CDX1: variants seen among roughly 807,000 people sequenced by gnomAD.
CDX1 encodes the protein homeobox protein CDX-1.
Under a neutral mutation model 16.9 loss-of-function variants are expected in CDX1, and 9 were observed. The observed-to-expected ratio is 0.53, with a 90% CI of 0.32 to 0.93. The LOEUF (loss-of-function observed/expected upper bound fraction) is 0.93. Among genes scored for constraint, CDX1 ranks in the 40% least tolerant of loss-of-function variants. The probability of loss-of-function intolerance (pLI) is 0.04; values close to 1 mark genes in which losing one functional copy is unlikely to be tolerated. For synonymous variants in CDX1, 179 were observed against 179.0 expected, an observed-to-expected ratio of 1.00 and a Z score of 0.00; for missense variants, 393 against 386.1, an observed-to-expected ratio of 1.02 and a Z score of -0.15.
In CDX1 at chr5:150,166,967, G is replaced by A. The variant is rs757763760; in HGVS notation, c.91G>A (p.Gly31Ser). ...CCTCGGCCTGGGCCCGCAAGCCTACGGCCCCCCGGCCCCGCCCCCGGCGCC... is the reference window on the plus strand; with the variant it reads ...CCTCGGCCTGGGCCCGCAAGCCTACAGCCCCCCGGCCCCGCCCCCGGCGCC... ...ASLGLGPQAY[G>S]PPAPPPAPPQ... Residue 31 changes from glycine to serine, a missense_variant, in exon 1 of 3, where the codon GGC (glycine) becomes AGC (serine). Transcript: ENST00000231656. The A allele has an allele frequency of 1.4e-5, 21 of 1,456,914 alleles. No individual in the cohort carries two copies. Among genetic ancestry groups the A allele is most frequent in the Middle Eastern group, 2.3e-4 (1 of 4,316 alleles). The allele number at this position is 1,456,914 out of a possible 1,614,324, so 90.2% of individuals were successfully genotyped here.
intron 1 of CDX1, among the ~76,000 whole-genome samples, chr5:150,177,856 A>G (rs1273857213): frequency 6.6e-6 from 1 of 152,098 alleles, no homozygotes; most frequent in Non-Finnish European, 1.5e-5. Context: ...GGAACTCCTG[A>G]CTGCCCCGAG....
intron 2 of CDX1, 94 bp downstream of exon 2, chr5:150,183,007 CA>C (rs1387381414): frequency 9.2e-6 from 13 of 1,409,580 alleles, no homozygotes; most frequent in Non-Finnish European, 1.2e-5. Flanking sequence ...AGAAGGAAAA[CA>C]GAGAGGTTGA....
chr5:150,168,936 A>G (rs1761469433), intron 1 of CDX1, among the ~76,000 whole-genome samples: 1 of 152,238 alleles, frequency 6.6e-6, no homozygotes, highest in Non-Finnish European at 1.5e-5. Flanking sequence ...GGCTACCAGA[A>G]GCTTTATCCA....
intron 1 of CDX1, among the ~76,000 whole-genome samples, chr5:150,182,179 C>T (rs1752458113): frequency 6.6e-6 from 1 of 152,244 alleles, no homozygotes; most frequent in African/African-American, 2.4e-5. Flanking sequence ...TCTTCTCTTG[C>T]ACAGGAGGAA....
rs527786034 is a variant in CDX1 at position 150,167,056 on chromosome 5, C to A, written c.180C>A (p.Ala60=). 1.8e-4 allele frequency: 256 copies of A among 1,427,416 alleles called. No homozygotes were observed. In the African/African-American group the frequency reaches 3.5e-3, roughly 20 times the overall value. 88.4% of individuals were successfully genotyped at this position (1,427,416 alleles called of 1,614,324 possible). Residue 60 remains alanine (A), a synonymous_variant, in exon 1 of 3, where the codon GCC becomes GCA. Coordinates refer to ENST00000231656, the MANE Select transcript of CDX1 (RefSeq NM_001804.3). ...HVEPAPAPPT[A]WGAPFPAPKD... is the part of the protein sequence containing the mutation. ...AGCCGGCCCCCGCGCCCCCGACGGC[C>A]TGGGGGGCGCCCTTCCCTGCGCCCA... is the stretch of plus-strand genomic sequence containing the variant.
At chr5:150,183,400 C>T (rs59426053) in intron 2 of CDX1, 74 bp from the exon 3 acceptor site, 22 of 1,337,912 alleles carry the variant, frequency 1.6e-5, no homozygotes, top group East Asian at 1.5e-4. Context: ...TCACTGTCCT[C>T]GTCTCTCCTT....
At position 150,182,838 on chromosome 5, in the gene CDX1, G is replaced by A. The variant is rs1752481273; in HGVS notation, c.516G>A (p.Glu172=). The part of the protein sequence containing the change: ...TDHQRLELEK[E]FHYSRYITIR... ...ACCAACGCCTGGAGCTGGAGAAGGA[G>A]TTTCATTACAGCCGTTACATCACAA... The change falls in exon 2 of 3, where the codon GAG becomes GAA. Residue 172 remains glutamate (E), a synonymous_variant. Coordinates refer to ENST00000231656, the MANE Select transcript of CDX1 (RefSeq NM_001804.3). The A allele has an allele frequency of 6.2e-7, 1 of 1,613,486 alleles. No individual in the cohort carries two copies. Among genetic ancestry groups the A allele is most frequent in the Non-Finnish European group, 8.5e-7 (1 of 1,179,658 alleles).
Position 150,167,293 on chromosome 5 carries a change from C to T in CDX1, c.417C>T (p.Ser139=), listed in dbSNP as rs757529834. The part of the protein sequence containing the change: ...RPTPYEWMRR[S]VAAGGGGGSG... ...CGCCCTACGAGTGGATGCGGCGCAGCGTGGCGGCCGGAGGCGGCGGTGGCA... is the reference window on the plus strand; with the variant it reads ...CGCCCTACGAGTGGATGCGGCGCAGTGTGGCGGCCGGAGGCGGCGGTGGCA... The change falls in exon 1 of 3, where the codon AGC becomes AGT. Residue 139 remains serine, a synonymous_variant. Coordinates refer to ENST00000231656, the MANE Select transcript of CDX1 (RefSeq NM_001804.3). 5.8e-5 allele frequency: 73 copies of T among 1,263,450 alleles called. No individual in the cohort carries two copies. The highest frequency in any genetic ancestry group is 1.7e-4 in the Admixed American group (4 of 24,084). The allele number at this position is 1,263,450 out of a possible 1,614,324, so 78.3% of individuals were successfully genotyped here.
rs759824259 is a variant in CDX1, at chr5:150,166,815, G to A, written c.-62G>A. ...GAGTTCAGGTGAGCGGTTGCTCGTC[G>A]TCGGGGCGGCCGGCAGCGGCGGCTC... On this transcript the variant is annotated 5_prime_UTR_variant, in exon 1 of 3. Coordinates refer to ENST00000231656, the MANE Select transcript of CDX1 (RefSeq NM_001804.3). 1.5e-5 allele frequency: 18 copies of A among 1,236,202 alleles called. No homozygotes were observed. In the East Asian group the frequency reaches 5.4e-4, roughly 37 times the overall value. The allele number at this position is 1,236,202 out of a possible 1,614,324, so 76.6% of individuals were successfully genotyped here.
chr5:150,167,331 C>T lies in CDX1; in HGVS notation c.445+10C>T. On this transcript the variant is annotated intron_variant, in intron 1 of 2. Transcript: ENST00000231656. ...GGCGGCGGTGGCAGCGGTAAGGACCCTTCCCTCGCCCTGCGCCTCTGGACC... is the reference window on the plus strand; with the variant it reads ...GGCGGCGGTGGCAGCGGTAAGGACCTTTCCCTCGCCCTGCGCCTCTGGACC... 8.0e-7 allele frequency: 1 copy of T among 1,250,702 alleles called. No homozygotes were observed. The highest frequency in any genetic ancestry group is 1.0e-6 in the Non-Finnish European group (1 of 1,000,922). The allele number at this position is 1,250,702 out of a possible 1,614,324, so 77.5% of individuals were successfully genotyped here. A position where few individuals can be genotyped will look rare whatever the true frequency, so the allele number is the denominator to read the frequency against.
intron 1 of CDX1, among the ~76,000 whole-genome samples, chr5:150,170,719 G>T (rs1033467604): frequency 6.6e-6 from 1 of 152,308 alleles, no homozygotes; most frequent in East Asian, 1.9e-4. Flanking sequence ...CTTCTAAGGA[G>T]GGGGCAGTGA....
chr5:150,181,736 C>T (rs550108745), intron 1 of CDX1, among the ~76,000 whole-genome samples: 3 of 152,292 alleles, frequency 2.0e-5, no homozygotes, highest in African/African-American at 7.2e-5. Flanking sequence ...CACTTATCAA[C>T]TAGTGTATCA....
chr5:150,183,546 C>T lies in CDX1; in HGVS notation c.664C>T (p.Pro222Ser). Reference sequence around the variant, plus strand: ...CAAGAAGAAACAGCAGCAGCAACAGCCCCCACAGCCGCCGATGGCCCACGA... The same window carrying T: ...CAAGAAGAAACAGCAGCAGCAACAGTCCCCACAGCCGCCGATGGCCCACGA... Reference protein sequence around the residue: ...VNKKKQQQQQPPQPPMAHDIT... With the variant: ...VNKKKQQQQQSPQPPMAHDIT... The change falls in exon 3 of 3, where the codon CCC becomes TCC. Residue 222 changes from proline to serine, a missense_variant. Transcript: ENST00000231656. The T allele has an allele frequency of 1.9e-6, 3 of 1,612,350 alleles. No individual in the cohort carries two copies. Among genetic ancestry groups the T allele is most frequent in the Non-Finnish European group, 2.5e-6 (3 of 1,178,886 alleles).
intron 1 of CDX1, among the ~76,000 whole-genome samples, chr5:150,168,888 C>G (rs1351650413): frequency 6.6e-6 from 1 of 152,194 alleles, no homozygotes; most frequent in Non-Finnish European, 1.5e-5. Context: ...CTGAAAGGTA[C>G]AAATGTTGCA....
chr5:150,166,912 C>G lies in CDX1; in HGVS notation c.36C>G (p.Pro12=). 6.6e-7 allele frequency: 1 copy of G among 1,517,262 alleles called. No homozygotes were observed. The highest frequency in any genetic ancestry group is 1.3e-5 in the South Asian group (1 of 79,756). 94.0% of individuals were successfully genotyped at this position (1,517,262 alleles called of 1,614,324 possible). A position where few individuals can be genotyped will look rare whatever the true frequency, so the allele number is the denominator to read the frequency against. ...GCTATGTGCTGGACAAGGATTCGCC[C>G]GTGTACCCCGGCCCAGCCAGGCCAG... ...YVGYVLDKDS[P]VYPGPARPAS... Residue 12 remains proline (P), a synonymous_variant, in exon 1 of 3, where the codon CCC becomes CCG. Coordinates refer to ENST00000231656, the MANE Select transcript of CDX1 (RefSeq NM_001804.3).
intron 1 of CDX1, among the ~76,000 whole-genome samples, chr5:150,168,418 C>T (rs1023465922): frequency 2.6e-5 from 4 of 152,196 alleles, no homozygotes; most frequent in Non-Finnish European, 5.9e-5. Flanking sequence ...TTGGAAGTCC[C>T]GGGGATACAT....
Position 150,167,102 on chromosome 5 carries a change from T to G in CDX1, c.226T>G (p.Tyr76Asp), listed in dbSNP as rs1398639628. The G allele has an allele frequency of 2.9e-6, 4 of 1,361,848 alleles. No individual in the cohort carries two copies. Among genetic ancestry groups the G allele is most frequent in the Non-Finnish European group, 3.8e-6 (4 of 1,065,196 alleles). The allele number at this position is 1,361,848 out of a possible 1,614,324, so 84.4% of individuals were successfully genotyped here. Residue 76 changes from tyrosine (Y) to aspartate (D), a missense_variant, in exon 1 of 3, where the codon TAC becomes GAC. Coordinates refer to ENST00000231656, the MANE Select transcript of CDX1 (RefSeq NM_001804.3). The stretch of plus-strand genomic sequence containing the variant: ...GCCCAAGGACGACTGGGCCGCCGCC[T>G]ACGGCCCGGGCCCCGCGGCCCCTGC... ...PAPKDDWAAA[Y>D]GPGPAAPAAS...
At chr5:150,182,730 T>G in intron 1 of CDX1, 38 bp from the exon 2 acceptor site, 3 of 1,522,388 alleles carry the variant, frequency 2.0e-6, no homozygotes, top group Non-Finnish European at 2.6e-6. Context: ...CCTCCTCCTC[T>G]CAACTCACCT....
At chr5:150,178,109 G>T (rs1410480393) in intron 1 of CDX1, among the ~76,000 whole-genome samples, 2 of 152,220 alleles carry the variant, frequency 1.3e-5, no homozygotes, top group Non-Finnish European at 2.9e-5. Context: ...GCCAGAATCT[G>T]CACTGTGAAA....
Sources: allele counts gnomAD v4.1 joint callset (sites outside exome capture counted in the v4.1 genomes callset), GRCh38; gene constraint gnomAD v4.1.1; transcripts MANE v1.5; gene names NCBI Gene and HGNC (gene_info 2026-07-23, HGNC 2026-07-21).